Variants in AGBL4 observed in about 807,000 individuals in gnomAD.
AGBL4 encodes AGBL carboxypeptidase 4.
In AGBL4, 58 loss-of-function variants were observed where a neutral mutation model predicts 66.4. The observed-to-expected ratio is 0.87, with a 90% CI of 0.71 to 1.09. The LOEUF is 1.09. Among genes scored for constraint, AGBL4 ranks in the 50% least tolerant of loss-of-function variants. AGBL4 has a pLI of 0.00. For missense variants in AGBL4, 579 were observed against 631.0 expected (o/e 0.92, Z 0.88); for synonymous variants, 234 against 222.9 (o/e 1.05, Z -0.44).
At chr1:49,501,333 C>T (rs957497028) in intron 3 of AGBL4, among the ~76,000 whole-genome samples, 2 of 152,020 alleles carry the variant, frequency 1.3e-5, no homozygotes, top group African/African-American at 4.8e-5. Context: ...TTCCTTTGCT[C>T]TGGCTGGTGG....
chr1:49,941,458 G>A (rs555347847), intron 1 of AGBL4, among the ~76,000 whole-genome samples: 2 of 152,130 alleles, frequency 1.3e-5, no homozygotes, highest in South Asian at 2.1e-4. Flanking sequence ...TATCCAGGAT[G>A]AACATGATGC....
At chr1:48,898,648 C>T (rs1381672873) in intron 5 of AGBL4, among the ~76,000 whole-genome samples, 3 of 28,608 alleles carry the variant, frequency 1.0e-4, no homozygotes, top group African/African-American at 2.0e-4. Context: ...GGTCTATGTG[C>T]TTATTTTTTT....
chr1:49,286,228 A>G (rs987553757), intron 3 of AGBL4, among the ~76,000 whole-genome samples: 1 of 152,174 alleles, frequency 6.6e-6, no homozygotes, highest in African/African-American at 2.4e-5. Flanking sequence ...AATAAGAGCT[A>G]TCTATGACAA....
intron 5 of AGBL4, among the ~76,000 whole-genome samples, chr1:48,909,824 A>G (rs557390060): frequency 6.6e-6 from 1 of 152,338 alleles, no homozygotes; most frequent in South Asian, 2.1e-4. Context: ...TTGAAAGCAT[A>G]TATAGAACTC....
At chr1:48,976,261 G>A (rs1263778185) in intron 5 of AGBL4, among the ~76,000 whole-genome samples, 1 of 152,118 alleles carries the variant, frequency 6.6e-6, no homozygotes, top group Non-Finnish European at 1.5e-5. Flanking sequence ...TCCTTATCCA[G>A]ACTTCCAAGT....
At chr1:49,197,294 C>G (rs936306993) in intron 4 of AGBL4, among the ~76,000 whole-genome samples, 1 of 152,158 alleles carries the variant, frequency 6.6e-6, no homozygotes, top group African/African-American at 2.4e-5. Flanking sequence ...TGAGCAGGCT[C>G]ATGACCTCCT....
chr1:49,108,445 GA>G (rs1645340726), intron 4 of AGBL4, among the ~76,000 whole-genome samples: 1 of 152,148 alleles, frequency 6.6e-6, no homozygotes. Flanking sequence ...AAAGGTGGGG[GA>G]ATCTCTGTTT....
chr1:49,970,050 A>G (rs1394361042), intron 1 of AGBL4, among the ~76,000 whole-genome samples: 2 of 152,210 alleles, frequency 1.3e-5, no homozygotes, highest in African/African-American at 2.4e-5. Flanking sequence ...ATCCACATGC[A>G]AAAGAATGAA....
chr1:49,067,989 G>A (rs1644522955), intron 4 of AGBL4, among the ~76,000 whole-genome samples: 1 of 150,216 alleles, frequency 6.7e-6, no homozygotes, highest in African/African-American at 2.5e-5. Context: ...TTCCACCGAT[G>A]AGTGAGAACA....
chr1:49,483,073 A>G (rs1646989917), intron 3 of AGBL4, among the ~76,000 whole-genome samples: 1 of 152,044 alleles, frequency 6.6e-6, no homozygotes, highest in African/African-American at 2.4e-5. Context: ...CCATGTGGAA[A>G]TGAGAAGAAT....
chr1:48,723,017 G>T (rs55769500), intron 6 of AGBL4, among the ~76,000 whole-genome samples: 1 of 152,202 alleles, frequency 6.6e-6, no homozygotes, highest in Admixed American at 6.5e-5. Flanking sequence ...GAGAGGTTAA[G>T]AATTTGTTTA....
At chr1:48,927,669 C>T (rs538753562) in intron 5 of AGBL4, among the ~76,000 whole-genome samples, 8 of 152,216 alleles carry the variant, frequency 5.3e-5, no homozygotes, top group South Asian at 4.1e-4. Flanking sequence ...CAGACAGAAG[C>T]GAAAGGAACT....
At chr1:49,872,981 CTT>C (rs1646875756) in intron 1 of AGBL4, among the ~76,000 whole-genome samples, 1 of 151,824 alleles carries the variant, frequency 6.6e-6, no homozygotes, top group Non-Finnish European at 1.5e-5. Context: ...ATTTTTCTTT[CTT>C]TCTTTCCCCT....
intron 6 of AGBL4, among the ~76,000 whole-genome samples, chr1:48,794,077 T>G (rs1341977720): frequency 6.6e-6 from 1 of 152,186 alleles, no homozygotes; most frequent in Non-Finnish European, 1.5e-5. Context: ...CTAGGGAGTT[T>G]GAAAAGGTGG....
intron 3 of AGBL4, among the ~76,000 whole-genome samples, chr1:49,668,115 A>C (rs1464924032): frequency 6.6e-6 from 1 of 152,214 alleles, no homozygotes; most frequent in Non-Finnish European, 1.5e-5. Flanking sequence ...AGACACAGGT[A>C]GTCATATCTT....
rs570974587 is a variant in AGBL4 at position 49,523,791 on chromosome 1, A to G, written c.282+173522T>C. On this transcript the variant is annotated intron_variant, in intron 3 of 13. Coordinates refer to ENST00000371839, the MANE Select transcript of AGBL4 (RefSeq NM_032785.4). ...TACGCACTGAATGCAGAAATGAATA[A>G]GCCATGATTATCCCTGCACTCAGCC... Among the ~76,000 whole-genome samples the G allele has an allele frequency of 2.0e-5, 3 of 152,272 alleles. No homozygotes were observed. In the East Asian group the frequency reaches 5.8e-4, roughly 29 times the overall value.
intron 6 of AGBL4, among the ~76,000 whole-genome samples, chr1:48,676,637 G>A (rs1570221671): frequency 1.3e-5 from 2 of 152,188 alleles, no homozygotes; most frequent in African/African-American, 2.4e-5. Context: ...TCTGCAGAGG[G>A]GAATGCTCAT....
At chr1:49,123,517 C>G (rs760765234) in intron 4 of AGBL4, among the ~76,000 whole-genome samples, 2 of 152,142 alleles carry the variant, frequency 1.3e-5, no homozygotes, top group African/African-American at 4.8e-5. Flanking sequence ...AAGAGAACAA[C>G]AGTTTGCTCT....
chr1:48,552,069 T>C (rs756530993), intron 11 of AGBL4, among the ~76,000 whole-genome samples: 3 of 152,160 alleles, frequency 2.0e-5, no homozygotes, highest in Non-Finnish European at 4.4e-5. Context: ...TTTTCATTCA[T>C]TCATTTATTT....
Sources: allele counts gnomAD v4.1 joint callset (sites outside exome capture counted in the v4.1 genomes callset), GRCh38; gene constraint gnomAD v4.1.1; transcripts MANE v1.5; gene names NCBI Gene and HGNC (gene_info 2026-07-23, HGNC 2026-07-21).